The following FRMD4B variants were observed in gnomAD, a reference collection of about 807,000 sequenced individuals.
FRMD4B encodes the protein FERM domain containing 4B, also known as FERM domain-containing protein 4B.
FRMD4B carries 74 observed loss-of-function variants against 141.5 expected under a neutral mutation model. That is an observed-to-expected ratio of 0.52 (90% CI 0.43 to 0.63). The LOEUF is 0.63. FRMD4B is among the 30% of genes least tolerant of loss of function. The pLI, the probability that FRMD4B is intolerant of heterozygous loss-of-function variation, is 0.00. For missense variants in FRMD4B, 1,366 were observed against 1,253.4 expected (o/e 1.09, Z -1.36); for synonymous variants, 506 against 467.9 (o/e 1.08, Z -1.05).
chr3:69,466,882 T>G (rs997781837), intron 1 of FRMD4B, among the ~76,000 whole-genome samples: 1 of 152,060 alleles, frequency 6.6e-6, no homozygotes, highest in African/African-American at 2.4e-5. Flanking sequence ...TTTATTTTTT[T>G]GTAGAGTCAG....
intron 1 of FRMD4B, among the ~76,000 whole-genome samples, chr3:69,508,487 C>T (rs540815780): frequency 5.8e-4 from 88 of 152,200 alleles, no homozygotes; most frequent in Non-Finnish European, 9.9e-4. Flanking sequence ...TTCTTTATTT[C>T]CTAGTCAATG....
intron 2 of FRMD4B, among the ~76,000 whole-genome samples, chr3:69,392,617 G>T (rs889677122): frequency 2.6e-5 from 4 of 152,152 alleles, no homozygotes; most frequent in Admixed American, 1.3e-4. Context: ...CTAAGCTGAA[G>T]GAGTGTTCCT....
chr3:69,363,733 C>T (rs943733538), intron 1 of FRMD4B, among the ~76,000 whole-genome samples: 1 of 152,150 alleles, frequency 6.6e-6, no homozygotes, highest in African/African-American at 2.4e-5. Flanking sequence ...TAAGAAATGG[C>T]TCCCCATTGA....
At position 69,171,885 on chromosome 3, in the gene FRMD4B, A is replaced by G. The variant is rs752717550; in HGVS notation, c.3081T>C (p.Asp1027=). 1 of 1,613,732 alleles carries G rather than the reference A, an allele frequency of 6.2e-7. No homozygotes were observed. The highest frequency in any genetic ancestry group is 2.2e-5 in the East Asian group (1 of 44,868). Residue 1027 remains aspartate (D), a synonymous_variant, in exon 23 of 23, where the codon GAT becomes GAC. Transcript: ENST00000398540. ...SSEQRLFWHE[D]SKPGTLV is the part of the protein sequence containing the mutation. ...TTCAGACTAATGTTCCAGGCTTTGA[A>G]TCTTCATGCCAAAAGAGTCTCTGCT...
At chr3:69,344,858 G>T (rs1467487025) in intron 1 of FRMD4B, among the ~76,000 whole-genome samples, 1 of 152,202 alleles carries the variant, frequency 6.6e-6, no homozygotes, top group East Asian at 1.9e-4. Context: ...CACAGGGGCA[G>T]TTCCAAGATG....
chr3:69,389,775 A>G (rs1173308441), upstream of FRMD4B, among the ~76,000 whole-genome samples: 6 of 152,312 alleles, frequency 3.9e-5, no homozygotes, highest in East Asian at 1.9e-4. Flanking sequence ...CAAGTATGGC[A>G]TCATCCTTAA....
chr3:69,478,891 G>C (rs1430632763), intron 1 of FRMD4B, among the ~76,000 whole-genome samples: 1 of 151,508 alleles, frequency 6.6e-6, no homozygotes, highest in Non-Finnish European at 1.5e-5. Flanking sequence ...GGGTGCTCCT[G>C]TATTGGGTGC....
intron 19 of FRMD4B, among the ~76,000 whole-genome samples, chr3:69,186,968 G>A (rs1345814164): frequency 1.3e-5 from 2 of 152,158 alleles, no homozygotes; most frequent in Non-Finnish European, 2.9e-5. Context: ...TGGTCTCATT[G>A]CCCTGATAAT....
chr3:69,419,788 C>T (rs1704938822), intron 2 of FRMD4B, among the ~76,000 whole-genome samples: 1 of 152,186 alleles, frequency 6.6e-6, no homozygotes. Flanking sequence ...AGTTCCTATG[C>T]AGCATACACA....
intron 9 of FRMD4B, among the ~76,000 whole-genome samples, chr3:69,220,109 T>A (rs1038990424): frequency 5.3e-5 from 8 of 152,220 alleles, no homozygotes; most frequent in Non-Finnish European, 1.2e-4. Flanking sequence ...AGATACATTC[T>A]GAGAATTGTG....
chr3:69,222,397 G>A (rs2093204713), intron 8 of FRMD4B, among the ~76,000 whole-genome samples: 1 of 148,914 alleles, frequency 6.7e-6, no homozygotes, highest in Non-Finnish European at 1.5e-5. Flanking sequence ...AACCTGGGAG[G>A]TGGAGATAGC....
intron 1 of FRMD4B, among the ~76,000 whole-genome samples, chr3:69,540,503 A>G (rs1701156821): frequency 6.8e-6 from 1 of 146,986 alleles, no homozygotes. Flanking sequence ...AATCCCAGCT[A>G]CTCGGGAGGC....
intron 1 of FRMD4B, among the ~76,000 whole-genome samples, chr3:69,316,519 T>C (rs1250244227): frequency 6.6e-6 from 1 of 151,720 alleles, no homozygotes; most frequent in African/African-American, 2.4e-5. Flanking sequence ...AAAAAAGTCA[T>C]CTTTTTTTTC....
intron 1 of FRMD4B, among the ~76,000 whole-genome samples, chr3:69,477,558 T>G (rs1706024423): frequency 1.3e-5 from 2 of 151,888 alleles, no homozygotes; most frequent in African/African-American, 2.4e-5. Flanking sequence ...TGAAGCCCAC[T>G]TGATCATGGT....
chr3:69,174,928 A>G (rs1206369426), intron 22 of FRMD4B, among the ~76,000 whole-genome samples: 1 of 152,206 alleles, frequency 6.6e-6, no homozygotes, highest in Non-Finnish European at 1.5e-5. Context: ...ACTCATTTTC[A>G]AACATTATTT....
chr3:69,365,788 G>A (rs746129627), intron 1 of FRMD4B, among the ~76,000 whole-genome samples: 9 of 152,104 alleles, frequency 5.9e-5, no homozygotes, highest in South Asian at 2.1e-4. Context: ...GTGAGCCACC[G>A]CACTCAGCTG....
chr3:69,537,470 T>G (rs79915804), intron 1 of FRMD4B, among the ~76,000 whole-genome samples: 5,250 of 152,326 alleles, frequency 0.034, 141 homozygotes, highest in East Asian at 0.081. Context: ...CTGTTTTCAC[T>G]AGATTAGCAT....
At chr3:69,496,632 AGAG>A (rs1429555676) in intron 1 of FRMD4B, among the ~76,000 whole-genome samples, 882 of 79,550 alleles carry the variant, frequency 0.011, 13 homozygotes, top group African/African-American at 0.043. Context: ...AGAGAGAGAG[AGAG>A]AAAGAGAGAG....
intron 22 of FRMD4B, 88 bp downstream of exon 22, chr3:69,176,436 C>G: frequency 8.6e-7 from 1 of 1,156,546 alleles, no homozygotes. Context: ...AACCCCTGAA[C>G]TAGATTATCT....
Sources: gnomAD v4.1 joint callset for allele counts (sites outside exome capture counted in the v4.1 genomes callset) on GRCh38, gnomAD v4.1.1 for gene constraint, MANE v1.5 for transcripts, NCBI Gene and HGNC (gene_info 2026-07-23, HGNC 2026-07-21) for gene names.